The following ALK variants were observed in gnomAD, a reference collection of about 807,000 sequenced individuals.
The protein encoded by ALK is ALK tyrosine kinase receptor.
ALK carries 74 observed loss-of-function variants against 163.1 expected under a neutral mutation model. That is an observed-to-expected ratio of 0.45 (90% CI 0.38 to 0.55). The LOEUF (loss-of-function observed/expected upper bound fraction) is 0.55. Ranked by LOEUF, ALK falls within the 20% of genes least tolerant of loss-of-function variation. The pLI is 0.00. For synonymous variants in ALK, 960 were observed against 843.2 expected, an observed-to-expected ratio of 1.14 and a Z score of -2.40; for missense variants, 2,063 against 2,105.3, an observed-to-expected ratio of 0.98 and a Z score of 0.39.
intron 4 of ALK, among the ~76,000 whole-genome samples, chr2:29,414,787 T>A (rs910888347): frequency 1.2e-4 from 18 of 152,182 alleles, no homozygotes; most frequent in Admixed American, 5.2e-4. Context: ...TAGGATAAAT[T>A]AGCAAGGTTT....
intron 5 of ALK, among the ~76,000 whole-genome samples, chr2:29,343,102 G>A (rs1667844511): frequency 6.6e-6 from 1 of 151,212 alleles, no homozygotes; most frequent in Non-Finnish European, 1.5e-5. Flanking sequence ...TAGCCAGGAT[G>A]GTCTCGATCT....
intron 3 of ALK, among the ~76,000 whole-genome samples, chr2:29,578,236 A>G (rs896758547): frequency 9.9e-5 from 15 of 152,102 alleles, no homozygotes; most frequent in African/African-American, 3.6e-4. Flanking sequence ...CATGTAAGAC[A>G]TGACTTGCCC....
chr2:29,895,771 C>A (rs1667252700), intron 1 of ALK, among the ~76,000 whole-genome samples: 1 of 152,168 alleles, frequency 6.6e-6, no homozygotes, highest in Non-Finnish European at 1.5e-5. Context: ...ATCTTATTGG[C>A]CAGTTTATCT....
intron 1 of ALK, among the ~76,000 whole-genome samples, chr2:29,824,096 T>C (rs1046375879): frequency 1.3e-5 from 2 of 152,154 alleles, no homozygotes; most frequent in Admixed American, 6.5e-5. Flanking sequence ...AAGGTATAGC[T>C]TGGGCCATGA....
intron 1 of ALK, among the ~76,000 whole-genome samples, chr2:29,796,784 T>TGG (rs1664321749): frequency 6.6e-6 from 1 of 151,714 alleles, no homozygotes; most frequent in Admixed American, 6.6e-5. Flanking sequence ...CGGTGTGGGG[T>TGG]GGGGCACGGG....
chr2:29,521,750 C>T (rs1014056069), intron 4 of ALK, among the ~76,000 whole-genome samples: 2 of 152,212 alleles, frequency 1.3e-5, no homozygotes, highest in African/African-American at 4.8e-5. Flanking sequence ...CTCCAGTTGC[C>T]TGGACAGTTT....
chr2:29,627,550 C>T (rs867697608), intron 3 of ALK, among the ~76,000 whole-genome samples: 2 of 152,020 alleles, frequency 1.3e-5, no homozygotes, highest in Non-Finnish European at 2.9e-5. Flanking sequence ...TTCTCACACA[C>T]GTGTCTCTGG....
At chr2:29,353,537 C>T (rs2148281274) in intron 5 of ALK, among the ~76,000 whole-genome samples, 1 of 152,310 alleles carries the variant, frequency 6.6e-6, no homozygotes, top group South Asian at 2.1e-4. Flanking sequence ...AGCAAACCTC[C>T]ATCTCTAGAG....
intron 22 of ALK, among the ~76,000 whole-genome samples, chr2:29,221,994 GA>G (rs1669817176): frequency 6.6e-6 from 1 of 152,224 alleles, no homozygotes; most frequent in Non-Finnish European, 1.5e-5. Context: ...TGGGATTGGT[GA>G]AGGGTCTTGG....
intron 3 of ALK, among the ~76,000 whole-genome samples, chr2:29,533,491 T>C (rs1403364266): frequency 1.3e-5 from 2 of 152,056 alleles, no homozygotes; most frequent in Non-Finnish European, 2.9e-5. Flanking sequence ...GCAGTACTCT[T>C]CTCCTTGTTT....
chr2:29,564,931 T>C (rs1188234871), intron 3 of ALK, among the ~76,000 whole-genome samples: 2 of 152,202 alleles, frequency 1.3e-5, no homozygotes, highest in Non-Finnish European at 2.9e-5. Flanking sequence ...TGCAGGCCAG[T>C]TATAACCAGG....
intron 3 of ALK, among the ~76,000 whole-genome samples, chr2:29,668,166 T>A (rs941791630): frequency 6.6e-6 from 1 of 152,138 alleles, no homozygotes; most frequent in African/African-American, 2.4e-5. Context: ...ATTATTTGAG[T>A]ATTCTTTCTT....
chr2:29,646,505 A>G (rs538954818), intron 3 of ALK, among the ~76,000 whole-genome samples: 2 of 152,094 alleles, frequency 1.3e-5, no homozygotes, highest in Non-Finnish European at 2.9e-5. Context: ...CCATTTCTCT[A>G]AGAGTATAAG....
chr2:29,821,867 G>C (rs914418318), intron 1 of ALK, among the ~76,000 whole-genome samples: 1 of 152,096 alleles, frequency 6.6e-6, no homozygotes. Context: ...TAGCCTTTCC[G>C]AAGATGAGCA....
rs560867503 is a variant in ALK, at chr2:29,822,247, A to G, written c.667+97746T>C. On this transcript the variant is annotated intron_variant, in intron 1 of 28. Coordinates refer to ENST00000389048, the MANE Select transcript of ALK (RefSeq NM_004304.5). Reference sequence around the variant, plus strand: ...CTATCTAACGAGGAGATCTGAAATCAAAAGGCCTTGGCTCCCAACCTGGTT... The same window carrying G: ...CTATCTAACGAGGAGATCTGAAATCGAAAGGCCTTGGCTCCCAACCTGGTT... 6.3e-4 allele frequency among the ~76,000 whole-genome samples: 96 copies of G among 152,332 alleles called. 1 individual carries two copies. Among genetic ancestry groups the G allele is most frequent in the African/African-American group, 2.2e-3 (91 of 41,586 alleles).
chr2:29,917,227 A>G (rs1194906816), intron 1 of ALK, among the ~76,000 whole-genome samples: 2 of 152,198 alleles, frequency 1.3e-5, no homozygotes, highest in Non-Finnish European at 2.9e-5. Flanking sequence ...TGGAAGAACA[A>G]TCAGCTCTTC....
At position 29,193,728 on chromosome 2, in the gene ALK, T is replaced by G. The variant is rs1553387086; in HGVS notation, c.4359A>C (p.Ala1453=). Residue 1453 remains alanine (A), a synonymous_variant, in exon 29 of 29, where the codon GCA becomes GCC. Coordinates refer to ENST00000389048, the MANE Select transcript of ALK (RefSeq NM_004304.5). Reference sequence around the variant, plus strand: ...AGATCTCTGCAGCTGTGGGTTTCTTTGCAGCCTTGCCAGAGGAGGTGGTAG... The same window carrying G: ...AGATCTCTGCAGCTGTGGGTTTCTTGGCAGCCTTGCCAGAGGAGGTGGTAG... The part of the protein sequence containing the change: ...PLPTTSSGKA[A]KKPTAAEISV... 6 of 1,605,786 alleles carry G rather than the reference T, an allele frequency of 3.7e-6. No homozygotes were observed. The highest frequency in any genetic ancestry group is 5.1e-6 in the Non-Finnish European group (6 of 1,174,738).
chr2:29,658,970 A>G (rs2148260191), intron 3 of ALK, among the ~76,000 whole-genome samples: 1 of 152,234 alleles, frequency 6.6e-6, no homozygotes, highest in African/African-American at 2.4e-5. Flanking sequence ...AAACGAAAAA[A>G]TCAAATTGGG....
At chr2:29,654,312 T>C (rs1285936087) in intron 3 of ALK, among the ~76,000 whole-genome samples, 1 of 152,160 alleles carries the variant, frequency 6.6e-6, no homozygotes, top group African/African-American at 2.4e-5. Flanking sequence ...CAGCTTTCTG[T>C]CTTTACCACA....
Sources: allele counts gnomAD v4.1 joint callset (sites outside exome capture counted in the v4.1 genomes callset), GRCh38; gene constraint gnomAD v4.1.1; transcripts MANE v1.5; gene names NCBI Gene and HGNC (gene_info 2026-07-23, HGNC 2026-07-21).